Variants in ARFIP1 observed in about 807,000 individuals in gnomAD.
The protein encoded by ARFIP1 is arfaptin-1.
A neutral mutation model predicts 42.5 loss-of-function variants in ARFIP1; 24 were observed. The observed-to-expected ratio is 0.57, with a 90% CI of 0.41 to 0.80. The LOEUF is 0.80. ARFIP1 is among the 30% of genes least tolerant of loss of function. The pLI is 0.00. For synonymous variants in ARFIP1, 141 were observed against 153.7 expected, an observed-to-expected ratio of 0.92 and a Z score of 0.61; for missense variants, 354 against 434.0, an observed-to-expected ratio of 0.82 and a Z score of 1.64.
At chr4:152,848,256 T>C (rs1162774446) in intron 2 of ARFIP1, among the ~76,000 whole-genome samples, 1 of 152,216 alleles carries the variant, frequency 6.6e-6, no homozygotes, top group Non-Finnish European at 1.5e-5. Flanking sequence ...TTCATTACCT[T>C]ATTTCCAGGG....
chr4:152,831,599 C>T (rs929577206), intron 2 of ARFIP1, among the ~76,000 whole-genome samples: 21 of 152,208 alleles, frequency 1.4e-4, no homozygotes, highest in African/African-American at 4.8e-4. Flanking sequence ...CAACTCATCC[C>T]ATCCTGGGAT....
chr4:152,836,617 A>G (rs1287211177), intron 2 of ARFIP1, among the ~76,000 whole-genome samples: 1 of 152,260 alleles, frequency 6.6e-6, no homozygotes, highest in South Asian at 2.1e-4. Context: ...GTCAGCTCCA[A>G]TCTTGATACT....
rs180831287 is a variant in ARFIP1 at position 152,793,643 on chromosome 4, A to G, written c.-10+13417A>G. Among the ~76,000 whole-genome samples, 4 of 152,306 alleles carry G rather than the reference A, an allele frequency of 2.6e-5. No individual in the cohort carries two copies. In the East Asian group the frequency reaches 7.7e-4, roughly 29 times the overall value. On this transcript the variant is annotated intron_variant, in intron 1 of 8. Transcript: ENST00000353617. ...AATAAAATAGAACAATTATAACAAC[A>G]TATTTTCTTAGTCTGTTTGAGTTGC... is the stretch of plus-strand genomic sequence containing the variant.
At chr4:152,901,945 CTT>C (rs1407817403) in intron 8 of ARFIP1, among the ~76,000 whole-genome samples, 4 of 152,192 alleles carry the variant, frequency 2.6e-5, no homozygotes, top group African/African-American at 7.2e-5. Context: ...TGCTGTGTGT[CTT>C]TTCTACACTA....
At chr4:152,880,321 T>C (rs989253306) in intron 5 of ARFIP1, among the ~76,000 whole-genome samples, 1 of 150,238 alleles carries the variant, frequency 6.7e-6, no homozygotes, top group African/African-American at 2.5e-5. Flanking sequence ...TCATCCAGCC[T>C]GGGCAATAGA....
chr4:152,867,232 G>A (rs1057278166), intron 3 of ARFIP1, among the ~76,000 whole-genome samples: 3 of 152,210 alleles, frequency 2.0e-5, no homozygotes, highest in African/African-American at 4.8e-5. Flanking sequence ...ACGAGACTCC[G>A]TCTGCAATCC....
In ARFIP1 at chr4:152,829,485, T is replaced by C. The variant is rs1347278337; in HGVS notation, c.-9-140T>C. 11 of 497,028 alleles carry C rather than the reference T, an allele frequency of 2.2e-5. No homozygotes were observed. In the East Asian group the frequency reaches 3.3e-4, roughly 15 times the overall value. 30.8% of individuals were successfully genotyped at this position (497,028 alleles called of 1,614,324 possible). A position where few individuals can be genotyped will look rare whatever the true frequency, so the allele number is the denominator to read the frequency against. On this transcript the variant is annotated intron_variant, in intron 1 of 8. Transcript: ENST00000353617. ...AGATGGAATTTTAAAATTATATATG[T>C]ATTCTGTTTATTATACAAGTATTTG...
intron 8 of ARFIP1, among the ~76,000 whole-genome samples, chr4:152,906,398 C>T (rs1738364055): frequency 2.0e-5 from 3 of 152,212 alleles, no homozygotes; most frequent in South Asian, 4.1e-4. Flanking sequence ...TCGGTAAATG[C>T]AACTTCATTC....
chr4:152,900,804 G>GAT (rs1737764821), intron 8 of ARFIP1, among the ~76,000 whole-genome samples: 1 of 152,148 alleles, frequency 6.6e-6, no homozygotes, highest in Non-Finnish European at 1.5e-5. Context: ...GTTAGCGGTT[G>GAT]GGGACCTCTT....
At chr4:152,783,267 A>T (rs1431511974) in intron 1 of ARFIP1, among the ~76,000 whole-genome samples, 2 of 152,112 alleles carry the variant, frequency 1.3e-5, no homozygotes, top group East Asian at 3.9e-4. Flanking sequence ...CCAAGATCCC[A>T]CCACTTCACT....
intron 1 of ARFIP1, among the ~76,000 whole-genome samples, chr4:152,802,521 TA>T (rs144213872): frequency 6.6e-6 from 1 of 152,116 alleles, no homozygotes; most frequent in Admixed American, 6.5e-5. Context: ...CAAATAACTT[TA>T]AAAAAATAGT....
intron 1 of ARFIP1, among the ~76,000 whole-genome samples, chr4:152,803,261 T>C (rs1248389967): frequency 6.6e-6 from 1 of 152,102 alleles, no homozygotes; most frequent in Non-Finnish European, 1.5e-5. Context: ...GGGAAGCTGT[T>C]CTCCCCCAGT....
intron 5 of ARFIP1, among the ~76,000 whole-genome samples, chr4:152,879,106 C>T (rs562178705): frequency 3.9e-5 from 6 of 151,932 alleles, no homozygotes; most frequent in East Asian, 3.9e-4. Context: ...TATCCCCTTC[C>T]GTGGTTTTGA....
intron 2 of ARFIP1, among the ~76,000 whole-genome samples, chr4:152,863,089 A>G (rs1734019902): frequency 6.6e-6 from 1 of 152,214 alleles, no homozygotes; most frequent in Admixed American, 6.5e-5. Context: ...GTTAACTATT[A>G]TCATTGTGCA....
At position 152,798,157 on chromosome 4, in the gene ARFIP1, A is replaced by G. The variant is rs1483801025; in HGVS notation, c.-10+17931A>G. Among the ~76,000 whole-genome samples, 5 of 152,128 alleles carry G rather than the reference A, an allele frequency of 3.3e-5. No homozygotes were observed. The South Asian group carries it at 1.0e-3, about 32-fold the overall frequency. Reference sequence around the variant, plus strand: ...TCCAGCTACTCTGGGTGGTTGGGGCAGGTGCTGAGGCAGGAGAATCGCTTG... The same window carrying G: ...TCCAGCTACTCTGGGTGGTTGGGGCGGGTGCTGAGGCAGGAGAATCGCTTG... On this transcript the variant is annotated intron_variant, in intron 1 of 8. Transcript: ENST00000353617.
At chr4:152,856,091 C>A (rs2149870881) in intron 2 of ARFIP1, among the ~76,000 whole-genome samples, 1 of 152,270 alleles carries the variant, frequency 6.6e-6, no homozygotes, top group Non-Finnish European at 1.5e-5. Context: ...TTCTAAGAGG[C>A]CATAGGTGAC....
At chr4:152,891,010 C>T (rs1425565259) in intron 8 of ARFIP1, among the ~76,000 whole-genome samples, 1 of 152,096 alleles carries the variant, frequency 6.6e-6, no homozygotes, top group Non-Finnish European at 1.5e-5. Flanking sequence ...AATGAAGGTA[C>T]CAGTGTCTGG....
At chr4:152,833,529 A>G (rs2149849238) in intron 2 of ARFIP1, among the ~76,000 whole-genome samples, 1 of 152,366 alleles carries the variant, frequency 6.6e-6, no homozygotes, top group African/African-American at 2.4e-5. Flanking sequence ...TTCAAAGGAA[A>G]TTAAATCACT....
intron 8 of ARFIP1, among the ~76,000 whole-genome samples, chr4:152,898,721 A>G (rs1004148385): frequency 6.6e-6 from 1 of 152,220 alleles, no homozygotes; most frequent in Non-Finnish European, 1.5e-5. Flanking sequence ...TAAGCTAGGC[A>G]GTTTGACTTG....
Sources: gnomAD v4.1 joint callset for allele counts (sites outside exome capture counted in the v4.1 genomes callset) on GRCh38, gnomAD v4.1.1 for gene constraint, MANE v1.5 for transcripts, NCBI Gene and HGNC (gene_info 2026-07-23, HGNC 2026-07-21) for gene names.